MAP2K4: variants seen among roughly 807,000 people sequenced by gnomAD.
MAP2K4 encodes the protein dual specificity mitogen-activated protein kinase kinase 4.
Under a neutral mutation model 48.5 loss-of-function variants are expected in MAP2K4, and 4 were observed. That is an observed-to-expected ratio of 0.08 (90% CI 0.04 to 0.19). MAP2K4 has a LOEUF of 0.19. Among genes scored for constraint, MAP2K4 ranks in the 10% least tolerant of loss-of-function variants. The pLI is 1.00. For missense variants in MAP2K4, 258 were observed against 493.3 expected (o/e 0.52, Z 4.52); for synonymous variants, 166 against 173.1 (o/e 0.96, Z 0.32).
At chr17:12,113,776 T>C (rs1972386089) in intron 7 of MAP2K4, among the ~76,000 whole-genome samples, 1 of 152,150 alleles carries the variant, frequency 6.6e-6, no homozygotes. Flanking sequence ...GTCCTTTTTT[T>C]TAGGGGTAGA....
chr17:12,134,033 GTGT>G (rs1486173938), intron 9 of MAP2K4, among the ~76,000 whole-genome samples: 3 of 152,252 alleles, frequency 2.0e-5, no homozygotes, highest in Non-Finnish European at 1.5e-5. Context: ...AACAACGCCT[GTGT>G]TGGTTAGAGG....
chr17:12,115,161 A>T (rs1972447193), intron 7 of MAP2K4, among the ~76,000 whole-genome samples: 1 of 152,200 alleles, frequency 6.6e-6, no homozygotes, highest in South Asian at 2.1e-4. Flanking sequence ...GTGCAACATA[A>T]AAAAGTAAAT....
chr17:12,102,324 AG>A (rs1399230239), intron 4 of MAP2K4, among the ~76,000 whole-genome samples: 1 of 152,162 alleles, frequency 6.6e-6, no homozygotes, highest in Non-Finnish European at 1.5e-5. Flanking sequence ...AATTGATCTC[AG>A]ATATTAAACA....
chr17:12,076,687 T>G (rs1971023171), intron 2 of MAP2K4, among the ~76,000 whole-genome samples: 1 of 149,756 alleles, frequency 6.7e-6, no homozygotes, highest in Admixed American at 6.8e-5. Flanking sequence ...ATATTTCACT[T>G]CTTTTGAATG....
At chr17:12,085,945 A>G (rs1971346885) in intron 3 of MAP2K4, among the ~76,000 whole-genome samples, 2 of 152,114 alleles carry the variant, frequency 1.3e-5, no homozygotes, top group South Asian at 2.1e-4. Flanking sequence ...TCCATTACCA[A>G]ATTATTTCAG....
intron 1 of MAP2K4, among the ~76,000 whole-genome samples, chr17:12,051,412 A>G (rs1181929329): frequency 1.3e-5 from 2 of 152,162 alleles, no homozygotes; most frequent in African/African-American, 4.8e-5. Context: ...GCACAGAGCT[A>G]AGGTTTTAGG....
At chr17:12,086,493 TGTGA>T (rs1971366106) in intron 3 of MAP2K4, among the ~76,000 whole-genome samples, 1 of 152,150 alleles carries the variant, frequency 6.6e-6, no homozygotes, top group African/African-American at 2.4e-5. Flanking sequence ...TTTTTCAGAC[TGTGA>T]GTTTGTTCCA....
chr17:12,039,225 C>G (rs1301728960), intron 1 of MAP2K4, among the ~76,000 whole-genome samples: 3 of 152,150 alleles, frequency 2.0e-5, no homozygotes, highest in African/African-American at 7.2e-5. Flanking sequence ...GTCAGGAGAC[C>G]TGTGAAGTCA....
At chr17:12,052,027 A>G (rs1567634407) in intron 1 of MAP2K4, among the ~76,000 whole-genome samples, 1 of 151,916 alleles carries the variant, frequency 6.6e-6, no homozygotes, top group Non-Finnish European at 1.5e-5. Context: ...TTCGGTTGAC[A>G]TTTTGGGGCC....
At chr17:12,095,908 TGTG>T in intron 4 of MAP2K4, among the ~76,000 whole-genome samples, 1 of 146,292 alleles carries the variant, frequency 6.8e-6, no homozygotes, top group Non-Finnish European at 1.5e-5. Flanking sequence ...TGTGTGTGTG[TGTG>T]TGTGTGTGTG....
intron 10 of MAP2K4, among the ~76,000 whole-genome samples, chr17:12,140,642 A>T (rs569947866): frequency 6.6e-6 from 1 of 152,322 alleles, no homozygotes; most frequent in East Asian, 1.9e-4. Context: ...GGTCAAAAGA[A>T]TTACAGCCTT....
intron 3 of MAP2K4, among the ~76,000 whole-genome samples, chr17:12,088,473 TATA>T (rs1055321581): frequency 1.3e-4 from 7 of 53,928 alleles, no homozygotes; most frequent in Admixed American, 2.5e-4. Flanking sequence ...CAATATTAAA[TATA>T]ATATTAAATA....
chr17:12,113,398 T>C, intron 7 of MAP2K4, 38 bp downstream of exon 7: 1 of 1,604,876 alleles, frequency 6.2e-7, no homozygotes, highest in Non-Finnish European at 8.5e-7. Context: ...TTGATAGTCA[T>C]TGCACAGAGA....
At chr17:12,126,432 T>G (rs1047192635) in intron 8 of MAP2K4, among the ~76,000 whole-genome samples, 5 of 152,194 alleles carry the variant, frequency 3.3e-5, no homozygotes. Context: ...GAACAGAAAT[T>G]TCTCACAGTT....
chr17:12,054,779 T>C (rs28918113), intron 1 of MAP2K4, 110 bp from the exon 2 acceptor site: 3 of 621,862 alleles, frequency 4.8e-6, no homozygotes, highest in Admixed American at 5.5e-5. Flanking sequence ...CTATATTAAC[T>C]GTTTGTTAAA....
Position 12,060,561 on chromosome 17 carries a change from T to G in MAP2K4, c.218+5570T>G, listed in dbSNP as rs1970415000. Reference sequence around the variant, plus strand: ...TGTGAATACCTCTAATCTACATGAATTTGGAAGTTTTTTTCTGTCTCTGAA... The same window carrying G: ...TGTGAATACCTCTAATCTACATGAAGTTGGAAGTTTTTTTCTGTCTCTGAA... On this transcript the variant is annotated intron_variant, in intron 2 of 10. Coordinates refer to ENST00000353533, the MANE Select transcript of MAP2K4 (RefSeq NM_003010.4). 2.0e-5 allele frequency among the ~76,000 whole-genome samples: 3 copies of G among 152,316 alleles called. No individual in the cohort carries two copies. In the South Asian group the frequency reaches 6.2e-4, roughly 32 times the overall value.
At chr17:12,054,745 C>G in intron 1 of MAP2K4, 144 bp from the exon 2 acceptor site, 1 of 497,026 alleles carries the variant, frequency 2.0e-6, no homozygotes, top group Non-Finnish European at 3.7e-6. Flanking sequence ...TAAGAAATTC[C>G]TCATTGCCTT....
intron 7 of MAP2K4, chr17:12,115,938 C>G (rs1284791721): frequency 4.1e-6 from 2 of 492,164 alleles, no homozygotes; most frequent in Non-Finnish European, 7.7e-6. Flanking sequence ...CTTCTAACAC[C>G]AGCTATGAAT....
intron 3 of MAP2K4, among the ~76,000 whole-genome samples, chr17:12,095,219 A>G (rs1396471877): frequency 1.3e-5 from 2 of 152,156 alleles, no homozygotes; most frequent in African/African-American, 2.4e-5. Context: ...AGCTACCTAT[A>G]ATTATTCATA....
Sources: gnomAD v4.1 joint callset for allele counts (sites outside exome capture counted in the v4.1 genomes callset) on GRCh38, gnomAD v4.1.1 for gene constraint, MANE v1.5 for transcripts, NCBI Gene and HGNC (gene_info 2026-07-23, HGNC 2026-07-21) for gene names.